The following SRFBP1 variants were observed in gnomAD, a reference collection of about 807,000 sequenced individuals.
The protein encoded by SRFBP1 is serum response factor binding protein 1, also known as serum response factor-binding protein 1.
In SRFBP1, 47 loss-of-function variants were observed where a neutral mutation model predicts 45.5. That is an observed-to-expected ratio of 1.03 (90% CI 0.82 to 1.32). The LOEUF (loss-of-function observed/expected upper bound fraction) is 1.32, where lower values mean the gene tolerates loss of function less well. Ranked by LOEUF, SRFBP1 falls within the 40% of genes most tolerant of loss-of-function variation. SRFBP1 has a pLI of 0.00. For synonymous variants in SRFBP1, 203 were observed against 166.3 expected, an observed-to-expected ratio of 1.22 and a Z score of -1.70; for missense variants, 621 against 484.6, an observed-to-expected ratio of 1.28 and a Z score of -2.64.
At chr5:122,014,348 C>G (rs1753153716) in intron 4 of SRFBP1, among the ~76,000 whole-genome samples, 1 of 151,978 alleles carries the variant, frequency 6.6e-6, no homozygotes, top group African/African-American at 2.4e-5. Context: ...CCCTGTAGAC[C>G]CAAACTTTTA....
intron 4 of SRFBP1, among the ~76,000 whole-genome samples, chr5:122,007,024 A>G (rs1445516270): frequency 1.3e-5 from 2 of 152,032 alleles, no homozygotes; most frequent in African/African-American, 4.8e-5. Context: ...GTAGGGACTT[A>G]TTCTAGTGTT....
chr5:121,967,362 A>C (rs1353850704), intron 1 of SRFBP1, among the ~76,000 whole-genome samples: 1 of 152,172 alleles, frequency 6.6e-6, no homozygotes, highest in Non-Finnish European at 1.5e-5. Context: ...ATTTGTGTTT[A>C]GTTATTAAAC....
Position 121,965,059 on chromosome 5 carries a change from G to A in SRFBP1, c.36+2991G>A, listed in dbSNP as rs183920350. Reference sequence around the variant, plus strand: ...GGGGTTGTTTTTTTCTTGTAAATTTGTTTAAGTTCTTTGTAGATTTTGGAT... The same window carrying A: ...GGGGTTGTTTTTTTCTTGTAAATTTATTTAAGTTCTTTGTAGATTTTGGAT... On this transcript the variant is annotated intron_variant, in intron 1 of 7. Coordinates refer to ENST00000339397, the MANE Select transcript of SRFBP1 (RefSeq NM_152546.3). Among the ~76,000 whole-genome samples the A allele has an allele frequency of 8.2e-3, 1,242 of 152,182 alleles. 6 individuals are homozygous for A. The highest frequency in any genetic ancestry group is 0.017 in the Middle Eastern group (5 of 294).
At chr5:121,982,161 A>G (rs1471008791) in intron 3 of SRFBP1, among the ~76,000 whole-genome samples, 1 of 152,004 alleles carries the variant, frequency 6.6e-6, no homozygotes, top group African/African-American at 2.4e-5. Context: ...CCCTGAGACC[A>G]TATAACTTCA....
intron 2 of SRFBP1, among the ~76,000 whole-genome samples, chr5:122,069,144 C>T (rs2152586505): frequency 6.6e-6 from 1 of 152,180 alleles, no homozygotes; most frequent in East Asian, 1.9e-4. Context: ...GTAGAAAGTC[C>T]TGGGTTTTTG....
intron 3 of SRFBP1, among the ~76,000 whole-genome samples, chr5:121,988,783 G>A (rs931660848): frequency 4.6e-5 from 7 of 152,172 alleles, no homozygotes; most frequent in African/African-American, 1.2e-4. Context: ...GCTGGCCAAG[G>A]TCCAGTCCTG....
At chr5:121,976,268 G>A (rs547813008) in intron 3 of SRFBP1, among the ~76,000 whole-genome samples, 24 of 152,024 alleles carry the variant, frequency 1.6e-4, no homozygotes, top group Non-Finnish European at 2.5e-4. Context: ...TCTTTGATAT[G>A]AAGTATATTT....
intron 2 of SRFBP1, among the ~76,000 whole-genome samples, chr5:122,040,654 G>A (rs1753759268): frequency 6.6e-6 from 1 of 152,142 alleles, no homozygotes; most frequent in African/African-American, 2.4e-5. Flanking sequence ...AAATAGGTGT[G>A]AATTAGTTGA....
intron 2 of SRFBP1, among the ~76,000 whole-genome samples, chr5:121,974,773 A>G (rs1043766953): frequency 6.6e-6 from 1 of 151,926 alleles, no homozygotes; most frequent in Non-Finnish European, 1.5e-5. Context: ...TTGTATTTTC[A>G]GTATCACTAG....
chr5:122,023,668 A>G (rs1044066036), intron 7 of SRFBP1, among the ~76,000 whole-genome samples: 1 of 152,126 alleles, frequency 6.6e-6, no homozygotes, highest in African/African-American at 2.4e-5. Flanking sequence ...TGAGGTGGGT[A>G]TTTAACATGA....
chr5:121,989,108 G>T (rs1752574631), intron 3 of SRFBP1, among the ~76,000 whole-genome samples: 1 of 152,084 alleles, frequency 6.6e-6, no homozygotes, highest in Non-Finnish European at 1.5e-5. Flanking sequence ...TCTATTGCCA[G>T]GCTGGAGTGC....
chr5:122,034,157 GTT>G (rs1221211966), intron 2 of SRFBP1, among the ~76,000 whole-genome samples: 1 of 152,130 alleles, frequency 6.6e-6, no homozygotes, highest in African/African-American at 2.4e-5. Context: ...TGTTTTAGGT[GTT>G]TCTCTTGAAT....
Position 122,027,139 on chromosome 5 carries a change from TC to T in SRFBP1, c.*14del. On this transcript the variant is annotated 3_prime_UTR_variant, in exon 8 of 8. Coordinates refer to ENST00000339397, the MANE Select transcript of SRFBP1 (RefSeq NM_152546.3). ...GTTTGATGATTGATTAGTGCCTCTT[TC>T]TGCAAACTTTTCCATCTAAAAAAAA... is the stretch of plus-strand genomic sequence containing the variant. 1 of 1,581,036 alleles carries T rather than the reference TC, an allele frequency of 6.3e-7. No individual in the cohort carries two copies. The highest frequency in any genetic ancestry group is 1.9e-5 in the Admixed American group (1 of 52,582).
chr5:122,032,148 TA>T (rs1753598708), downstream of SRFBP1, among the ~76,000 whole-genome samples: 2 of 152,200 alleles, frequency 1.3e-5, no homozygotes, highest in Non-Finnish European at 2.9e-5. Flanking sequence ...AAGATATATA[TA>T]AAGTTCCCTG....
chr5:122,028,953 T>A (rs954838244), downstream of SRFBP1, among the ~76,000 whole-genome samples: 1 of 152,218 alleles, frequency 6.6e-6, no homozygotes, highest in East Asian at 1.9e-4. Context: ...ACTGTTGGAC[T>A]TTTTCTGGGA....
At chr5:122,033,565 G>C (rs541916178), downstream of SRFBP1, among the ~76,000 whole-genome samples, 1 of 151,816 alleles carries the variant, frequency 6.6e-6, no homozygotes, top group Non-Finnish European at 1.5e-5. Flanking sequence ...GGTTCAAGCA[G>C]TTCTCTCTGC....
At chr5:121,969,156 TG>T (rs1752137730) in intron 1 of SRFBP1, among the ~76,000 whole-genome samples, 1 of 152,186 alleles carries the variant, frequency 6.6e-6, no homozygotes, top group Admixed American at 6.5e-5. Flanking sequence ...AGCAAATTCA[TG>T]TTAAACCTAA....
intron 3 of SRFBP1, among the ~76,000 whole-genome samples, chr5:121,976,622 G>A (rs546080672): frequency 6.6e-6 from 1 of 151,348 alleles, no homozygotes; most frequent in South Asian, 2.1e-4. Flanking sequence ...ATTTTTCCCT[G>A]TAATTTCTTC....
intron 2 of SRFBP1, chr5:122,074,298 T>C: frequency 1.4e-6 from 1 of 715,588 alleles, no homozygotes; most frequent in Non-Finnish European, 2.3e-6. Context: ...ATTTATCTTC[T>C]AAAAGAGAGA....
Sources: gnomAD v4.1 joint callset for allele counts (sites outside exome capture counted in the v4.1 genomes callset) on GRCh38, gnomAD v4.1.1 for gene constraint, MANE v1.5 for transcripts, NCBI Gene and HGNC (gene_info 2026-07-23, HGNC 2026-07-21) for gene names.